The following TRAK1 variants were observed in gnomAD, a reference collection of about 807,000 sequenced individuals.
The protein encoded by TRAK1 is trafficking kinesin-binding protein 1.
A neutral mutation model predicts 92.1 loss-of-function variants in TRAK1; 33 were observed. That is an observed-to-expected ratio of 0.36 (90% CI 0.27 to 0.48). The LOEUF is 0.48. Ranked by LOEUF, TRAK1 falls within the 20% of genes least tolerant of loss-of-function variation. The pLI is 0.99. For synonymous variants in TRAK1, 521 were observed against 517.3 expected, an observed-to-expected ratio of 1.01 and a Z score of -0.10; for missense variants, 1,123 against 1,257.9, an observed-to-expected ratio of 0.89 and a Z score of 1.62.
chr3:42,211,971 G>GATC, intron 14 of TRAK1: 1 of 985,428 alleles, frequency 1.0e-6, no homozygotes, highest in South Asian at 4.7e-5. Flanking sequence ...TCATTTAGAT[G>GATC]AGAGTTCTTT....
chr3:42,097,619 G>T (rs1212460303), intron 1 of TRAK1, among the ~76,000 whole-genome samples: 1 of 152,180 alleles, frequency 6.6e-6, no homozygotes, highest in Non-Finnish European at 1.5e-5. Flanking sequence ...AGCTCATGGA[G>T]TGATTGCCTC....
chr3:42,100,736 G>A (rs1321494509), intron 1 of TRAK1, among the ~76,000 whole-genome samples: 1 of 152,166 alleles, frequency 6.6e-6, no homozygotes, highest in Admixed American at 6.5e-5. Flanking sequence ...GCACAGTCTC[G>A]GTTCACTGCA....
At chr3:42,094,490 C>T (rs549162745) in intron 1 of TRAK1, among the ~76,000 whole-genome samples, 16 of 152,230 alleles carry the variant, frequency 1.1e-4, no homozygotes, top group East Asian at 7.7e-4. Context: ...GACTCTCCCA[C>T]GTCCACCTCC....
chr3:42,150,124 G>A (rs1240401651), intron 2 of TRAK1, among the ~76,000 whole-genome samples: 2 of 152,146 alleles, frequency 1.3e-5, no homozygotes, highest in Non-Finnish European at 1.5e-5. Context: ...CCACTTAGCG[G>A]GTGATTCAAA....
At chr3:42,180,493 A>G (rs1703846295) in intron 3 of TRAK1, among the ~76,000 whole-genome samples, 1 of 152,068 alleles carries the variant, frequency 6.6e-6, no homozygotes, top group Non-Finnish European at 1.5e-5. Context: ...CTGTAACTGA[A>G]GAAGAGGAAA....
At chr3:42,096,732 C>G (rs940349881) in intron 1 of TRAK1, among the ~76,000 whole-genome samples, 1 of 152,234 alleles carries the variant, frequency 6.6e-6, no homozygotes, top group African/African-American at 2.4e-5. Flanking sequence ...GGGGCAGCCA[C>G]AAAGGCAGTG....
intron 1 of TRAK1, among the ~76,000 whole-genome samples, chr3:42,116,648 G>A (rs942915614): frequency 1.3e-5 from 2 of 152,154 alleles, no homozygotes; most frequent in African/African-American, 4.8e-5. Context: ...CATTGCTGTG[G>A]GTTTGCAGTC....
intron 1 of TRAK1, chr3:42,051,039 T>C (rs1160412070): frequency 6.6e-6 from 1 of 152,262 alleles, no homozygotes; most frequent in East Asian, 1.9e-4. Context: ...TTTTAAATTT[T>C]ATTATTTTTT....
chr3:42,210,733 T>A, intron 14 of TRAK1: 1 of 986,030 alleles, frequency 1.0e-6, no homozygotes, highest in Non-Finnish European at 1.2e-6. Flanking sequence ...AGTGGATTTT[T>A]AAAAAGTGTT....
At chr3:42,184,847 C>T (rs1704552030) in intron 4 of TRAK1, 46 bp downstream of exon 4, 1 of 1,571,750 alleles carries the variant, frequency 6.4e-7, no homozygotes, top group Non-Finnish European at 8.7e-7. Context: ...CGCCACAGGC[C>T]TGGGAGCTGG....
intron 2 of TRAK1, among the ~76,000 whole-genome samples, chr3:42,140,486 G>A (rs113572337): frequency 0.016 from 2,450 of 152,162 alleles, 69 homozygotes; most frequent in African/African-American, 0.056. Flanking sequence ...AATTAGCCAC[G>A]CGTGGTGGCA....
At chr3:42,049,045 G>T (rs1702874881) in intron 1 of TRAK1, among the ~76,000 whole-genome samples, 1 of 151,424 alleles carries the variant, frequency 6.6e-6, no homozygotes. Context: ...CCACCATCAT[G>T]CCCAGGTATT....
At chr3:42,013,306 G>A (rs1215666419), upstream of TRAK1, among the ~76,000 whole-genome samples, 2 of 152,182 alleles carry the variant, frequency 1.3e-5, no homozygotes, top group Non-Finnish European at 2.9e-5. The surrounding 1 kb of genome is among the most constrained non-coding windows in gnomAD (Gnocchi z 5.1). Flanking sequence ...TCAGCGCCCC[G>A]GGCCGCGGGG....
chr3:42,209,695 C>A, intron 13 of TRAK1, 72 bp from the exon 14 acceptor site: 1 of 1,456,572 alleles, frequency 6.9e-7, no homozygotes, highest in Non-Finnish European at 9.4e-7. Context: ...GGTAAACAGC[C>A]ATTGTCTTGG....
chr3:42,027,653 C>G (rs1362676564), intron 1 of TRAK1, among the ~76,000 whole-genome samples: 2 of 151,834 alleles, frequency 1.3e-5, no homozygotes, highest in Non-Finnish European at 2.9e-5. Flanking sequence ...TTAAAAAGCC[C>G]CAAACCTAAA....
intron 1 of TRAK1, among the ~76,000 whole-genome samples, chr3:42,019,220 A>G (rs1278597582): frequency 6.6e-6 from 1 of 152,224 alleles, no homozygotes; most frequent in Non-Finnish European, 1.5e-5. Context: ...ATTTATGCAT[A>G]TACAGAACCA....
chr3:42,134,736 G>T, intron 2 of TRAK1, among the ~76,000 whole-genome samples: 2 of 151,574 alleles, frequency 1.3e-5, no homozygotes, highest in Non-Finnish European at 2.9e-5. Flanking sequence ...ACAGGCGCAC[G>T]CCCGGCTAAT....
At chr3:42,201,363 G>A (rs1707529518) in intron 12 of TRAK1, among the ~76,000 whole-genome samples, 1 of 152,210 alleles carries the variant, frequency 6.6e-6, no homozygotes, top group East Asian at 1.9e-4. Context: ...AGGAGGCTGA[G>A]GCAGGAGAAT....
intron 14 of TRAK1, chr3:42,217,483 AT>A: frequency 4.1e-6 from 4 of 985,394 alleles, no homozygotes; most frequent in Non-Finnish European, 4.8e-6. Context: ...GCTTCTGCTG[AT>A]GCAACTACGT....
Sources: gnomAD v4.1 joint callset for allele counts (sites outside exome capture counted in the v4.1 genomes callset) on GRCh38, gnomAD v4.1.1 for gene constraint, Gnocchi (gnomAD v3.1) non-coding constraint, MANE v1.5 for transcripts, NCBI Gene and HGNC (gene_info 2026-07-23, HGNC 2026-07-21) for gene names.